Variants in PREP observed in about 807,000 individuals in gnomAD.
PREP encodes the protein prolyl endopeptidase.
PREP carries 29 observed loss-of-function variants against 87.6 expected under a neutral mutation model. The ratio of observed to expected loss-of-function variants is 0.33; its 90% CI spans 0.25 to 0.45. The LOEUF is 0.45. PREP is among the 20% of genes least tolerant of loss of function. The pLI, the probability that PREP is intolerant of heterozygous loss-of-function variation, is 1.00. For missense variants in PREP, 695 were observed against 886.5 expected (o/e 0.78, Z 2.74); for synonymous variants, 337 against 328.6 (o/e 1.03, Z -0.28).
intron 10 of PREP, among the ~76,000 whole-genome samples, chr6:105,301,827 C>T (rs944639025): frequency 3.3e-5 from 5 of 152,234 alleles, no homozygotes; most frequent in African/African-American, 1.2e-4. Context: ...CAGAAATTCA[C>T]CAGCTCTCTA....
At chr6:105,312,537 C>A (rs932030225) in intron 10 of PREP, among the ~76,000 whole-genome samples, 4 of 152,210 alleles carry the variant, frequency 2.6e-5, no homozygotes, top group Admixed American at 6.5e-5. Context: ...GAGTACTCAA[C>A]TGTTTAATTG....
Position 105,286,863 on chromosome 6 carries a change from G to A in PREP, c.1455-1283C>T, listed in dbSNP as rs565913341. Among the ~76,000 whole-genome samples, 5 of 220 alleles carry A rather than the reference G, an allele frequency of 0.023. No individual in the cohort carries two copies. In the East Asian group the frequency reaches 0.42, roughly 18 times the overall value. The allele number at this position is 220 out of a possible 152,430, so 0.1% of individuals were successfully genotyped here. On this transcript the variant is annotated intron_variant, in intron 11 of 14. Coordinates refer to ENST00000652536, the MANE Select transcript of PREP (RefSeq NM_002726.5). Reference sequence around the variant, plus strand: ...GGGTTCTGGGATGAAAATGGCCCCGGGACTCATCTCTTGAATCCCAACAGG... The same window carrying A: ...GGGTTCTGGGATGAAAATGGCCCCGAGACTCATCTCTTGAATCCCAACAGG...
At chr6:105,396,464 C>T (rs563437408) in intron 2 of PREP, among the ~76,000 whole-genome samples, 6 of 152,134 alleles carry the variant, frequency 3.9e-5, no homozygotes, top group Non-Finnish European at 5.9e-5. Context: ...CTCTTTTCTC[C>T]ATATACCATC....
chr6:105,382,476 T>C (rs190961875), intron 2 of PREP, among the ~76,000 whole-genome samples: 6 of 152,326 alleles, frequency 3.9e-5, no homozygotes, highest in Non-Finnish European at 1.5e-5. Context: ...CACTTACTGA[T>C]TGCCTTAACT....
At chr6:105,302,209 T>TA (rs2114627329) in intron 10 of PREP, among the ~76,000 whole-genome samples, 1 of 152,320 alleles carries the variant, frequency 6.6e-6, no homozygotes, top group East Asian at 1.9e-4. Context: ...TCTGTTTTGG[T>TA]ACAGGCAGAA....
chr6:105,323,817 C>G, intron 9 of PREP, 49 bp from the exon 10 acceptor site: 1 of 1,455,004 alleles, frequency 6.9e-7, no homozygotes, highest in Non-Finnish European at 9.6e-7. Context: ...TCACTAGATT[C>G]AAAGGGGGCA....
At chr6:105,330,972 G>T (rs1442342818) in intron 8 of PREP, among the ~76,000 whole-genome samples, 1 of 152,128 alleles carries the variant, frequency 6.6e-6, no homozygotes. Flanking sequence ...AGAGACCAAA[G>T]TATGGGGGAA....
Position 105,368,897 on chromosome 6 carries a change from C to T in PREP, c.717+6G>A. On this transcript the variant is annotated splice_donor_region_variant and intron_variant, in intron 6 of 14. Transcript: ENST00000652536. ...TTGGGGGTAAAATTTCACAGCTGTA[C>T]AATACCTCAGCTCCACCCATCCATT... The T allele has an allele frequency of 1.2e-6, 2 of 1,613,796 alleles. No individual in the cohort carries two copies. Among genetic ancestry groups the T allele is most frequent in the Non-Finnish European group, 1.7e-6 (2 of 1,179,836 alleles).
intron 14 of PREP, chr6:105,280,758 G>GTATT (rs1271753119): frequency 6.6e-6 from 1 of 152,060 alleles, no homozygotes; most frequent in African/African-American, 2.4e-5. Flanking sequence ...AGACAGTACA[G>GTATT]TATTTCACCA....
intron 3 of PREP, 90 bp downstream of exon 3, chr6:105,377,296 C>G: frequency 7.2e-7 from 1 of 1,388,570 alleles, no homozygotes; most frequent in Non-Finnish European, 9.8e-7. Flanking sequence ...TAATCTTATA[C>G]AAGGACAAGT....
At chr6:105,377,076 G>C (rs1253190897) in intron 3 of PREP, among the ~76,000 whole-genome samples, 1 of 152,072 alleles carries the variant, frequency 6.6e-6, no homozygotes, top group East Asian at 1.9e-4. Context: ...ATTAACTTCG[G>C]AGGCAAACAA....
rs1554212310 is a variant in PREP at position 105,391,060 on chromosome 6, C to CACACACACT, written c.120+6792_120+6793insAGTGTGTGT. Among the ~76,000 whole-genome samples the CACACACACT allele has an allele frequency of 1.9e-3, 267 of 140,168 alleles. 4 individuals carry two copies. In the East Asian group the frequency reaches 0.048, roughly 25 times the overall value. The allele number at this position is 140,168 out of a possible 152,430, so 92.0% of individuals were successfully genotyped here. A position where few individuals can be genotyped will look rare whatever the true frequency, so the allele number is the denominator to read the frequency against. On this transcript the variant is annotated intron_variant, in intron 2 of 14. Coordinates refer to ENST00000652536, the MANE Select transcript of PREP (RefSeq NM_002726.5). ...ACACACACACACACACACACACACA[C>CACACACACT]TTTTTTTTTTTTTTAATTAAGAGAC...
At chr6:105,392,167 T>A in intron 2 of PREP, among the ~76,000 whole-genome samples, 1 of 150,240 alleles carries the variant, frequency 6.7e-6, no homozygotes, top group East Asian at 2.0e-4. Context: ...GCCTCAGCCT[T>A]CCCTGGGACC....
At chr6:105,293,149 C>T (rs1770334324) in intron 10 of PREP, among the ~76,000 whole-genome samples, 1 of 152,210 alleles carries the variant, frequency 6.6e-6, no homozygotes. Flanking sequence ...GTAACTTGTA[C>T]TGAGACAGAC....
intron 12 of PREP, 24 bp downstream of exon 12, chr6:105,285,462 G>C (rs775128014): frequency 1.3e-6 from 2 of 1,587,100 alleles, no homozygotes; most frequent in South Asian, 2.2e-5. Context: ...TCAGACTTGT[G>C]TTTCTGTAGA....
chr6:105,353,809 T>C (rs1006717414), intron 6 of PREP, among the ~76,000 whole-genome samples: 22 of 150,634 alleles, frequency 1.5e-4, no homozygotes, highest in African/African-American at 5.4e-4. Context: ...AAAATGGGTA[T>C]GGACGCAAGA....
chr6:105,335,667 A>C (rs1267020748), intron 7 of PREP, among the ~76,000 whole-genome samples: 1 of 152,102 alleles, frequency 6.6e-6, no homozygotes, highest in Non-Finnish European at 1.5e-5. Context: ...CAAAGCCGGA[A>C]GACCATGAGG....
intron 1 of PREP, among the ~76,000 whole-genome samples, chr6:105,400,842 GAGAC>G (rs1773410435): frequency 6.6e-6 from 1 of 152,202 alleles, no homozygotes; most frequent in Non-Finnish European, 1.5e-5. Flanking sequence ...TCAAGTGAAA[GAGAC>G]AGAGAGCTAC....
rs972165186 is a variant in PREP, at chr6:105,275,346, G to A, written c.*2798C>T. 2.6e-5 allele frequency among the ~76,000 whole-genome samples: 4 copies of A among 152,156 alleles called. No individual in the cohort carries two copies. The highest frequency in any genetic ancestry group is 7.2e-5 in the African/African-American group (3 of 41,420). Reference sequence around the variant, plus strand: ...GTGTGTAGCTGCTTAAGCTTTAGTGGGAGTATTTAAGAAACATGATTAATT... The same window carrying A: ...GTGTGTAGCTGCTTAAGCTTTAGTGAGAGTATTTAAGAAACATGATTAATT... On this transcript the variant is annotated 3_prime_UTR_variant, in exon 15 of 15. Transcript: ENST00000652536.
Sources: allele counts gnomAD v4.1 joint callset (sites outside exome capture counted in the v4.1 genomes callset), GRCh38; gene constraint gnomAD v4.1.1; transcripts MANE v1.5; gene names NCBI Gene and HGNC (gene_info 2026-07-23, HGNC 2026-07-21).